Variants in DENND2A observed in about 807,000 individuals in gnomAD.
DENND2A encodes the protein DENN domain-containing protein 2A.
Under a neutral mutation model 105.3 loss-of-function variants are expected in DENND2A, and 53 were observed. The ratio of observed to expected loss-of-function variants is 0.50; its 90% CI spans 0.40 to 0.63. DENND2A has a LOEUF of 0.63. Ranked by LOEUF, DENND2A falls within the 30% of genes least tolerant of loss-of-function variation. The pLI, the probability that DENND2A is intolerant of heterozygous loss-of-function variation, is 0.00. For missense variants in DENND2A, 1,138 were observed against 1,279.6 expected, an observed-to-expected ratio of 0.89 and a Z score of 1.69; for synonymous variants, 522 against 508.4, an observed-to-expected ratio of 1.03 and a Z score of -0.36.
chr7:140,637,882 G>A (rs1015110811), intron 1 of DENND2A, among the ~76,000 whole-genome samples: 1 of 152,092 alleles, frequency 6.6e-6, no homozygotes, highest in Non-Finnish European at 1.5e-5. Context: ...CATTCACAGA[G>A]ATGGGTGTCA....
intron 1 of DENND2A, among the ~76,000 whole-genome samples, chr7:140,625,630 C>A (rs1800493166): frequency 1.3e-5 from 2 of 152,128 alleles, no homozygotes. Context: ...TGCAGTGAGC[C>A]GAGATCATGC....
intron 12 of DENND2A, among the ~76,000 whole-genome samples, chr7:140,552,898 A>G (rs1371674111): frequency 6.6e-6 from 1 of 151,096 alleles, no homozygotes; most frequent in South Asian, 2.1e-4. Context: ...AAGAGATTGT[A>G]CTATGTTTGT....
chr7:140,521,671 A>G (rs568780930), intron 18 of DENND2A, among the ~76,000 whole-genome samples, 184 bp downstream of exon 18: 10 of 152,360 alleles, frequency 6.6e-5, no homozygotes, highest in African/African-American at 2.2e-4. Context: ...GGCAGAGGGA[A>G]CAGAGAAGCC....
intron 5 of DENND2A, among the ~76,000 whole-genome samples, chr7:140,584,788 A>C (rs1171704714): frequency 6.6e-6 from 1 of 152,070 alleles, no homozygotes; most frequent in Non-Finnish European, 1.5e-5. Context: ...TTACACATAC[A>C]TGTGTAAGTT....
intron 3 of DENND2A, among the ~76,000 whole-genome samples, chr7:140,590,086 T>A (rs549401939): frequency 6.6e-6 from 1 of 152,270 alleles, no homozygotes; most frequent in African/African-American, 2.4e-5. Flanking sequence ...ATGACTCGCT[T>A]ATTTAAAGCA....
In DENND2A at chr7:140,573,979, T is replaced by A; in HGVS notation, c.1275A>T (p.Arg425=). The change falls in exon 6 of 20, where the codon CGA becomes CGT. Residue 425 remains arginine (R), a synonymous_variant. Transcript: ENST00000496613. The part of the protein sequence containing the change: ...KQSLSKPAFF[R]QNSERRNFKL... ...TGAAGTTCCTCCTCTCTGAATTTTG[T>A]CGGAAAAAAGCAGGTTTGGACAATG... 6.2e-7 allele frequency: 1 copy of A among 1,613,896 alleles called. No homozygotes were observed. The highest frequency in any genetic ancestry group is 8.5e-7 in the Non-Finnish European group (1 of 1,179,980).
chr7:140,609,825 C>T (rs1799828548), intron 1 of DENND2A: 1 of 152,094 alleles, frequency 6.6e-6, no homozygotes, highest in Non-Finnish European at 1.5e-5. Context: ...CTGGAGGGTT[C>T]AGAAGTTAAG....
rs113635938 is a variant in DENND2A, at chr7:140,542,626, G to T, written c.2327+1992C>A. On this transcript the variant is annotated intron_variant, in intron 14 of 19. Coordinates refer to ENST00000496613, the MANE Select transcript of DENND2A (RefSeq NM_015689.5). The stretch of plus-strand genomic sequence containing the variant: ...GTTGCCCAGGCTGGAGTGCAATGGC[G>T]CAATCTCAGCTCACTGTAACCTCCG... 2.5e-3 allele frequency among the ~76,000 whole-genome samples: 349 copies of T among 142,174 alleles called. 2 individuals are homozygous for T. The highest frequency in any genetic ancestry group is 8.9e-3 in the African/African-American group (337 of 37,812). 93.3% of individuals were successfully genotyped at this position (142,174 alleles called of 152,430 possible).
intron 18 of DENND2A, 53 bp from the exon 19 acceptor site, chr7:140,519,771 A>T (rs1585536386): frequency 6.6e-7 from 1 of 1,505,636 alleles, no homozygotes; most frequent in East Asian, 2.3e-5. Flanking sequence ...TGCACTTCTA[A>T]ATGTGTCCAT....
rs1801163640 is a variant in DENND2A at position 140,640,543 on chromosome 7, C to T, written c.-287G>A. 1 of 150,998 alleles carries T rather than the reference C, an allele frequency of 6.6e-6. No individual in the cohort carries two copies. The highest frequency in any genetic ancestry group is 2.4e-5 in the African/African-American group (1 of 41,170). 9.4% of individuals were successfully genotyped at this position (150,998 alleles called of 1,614,324 possible). ...CGGCTCCGCGGGCTCTGGGGCGCAT[C>T]TTGGGGGCTCCGGGGCGGGCCGGGA... On this transcript the variant is annotated 5_prime_UTR_variant, in exon 1 of 20. Transcript: ENST00000496613. This position sits in a 1 kb window ranked among gnomAD's most constrained non-coding sequence, Gnocchi z 4.9.
chr7:140,525,281 A>C (rs2130461688), intron 16 of DENND2A, among the ~76,000 whole-genome samples: 1 of 151,792 alleles, frequency 6.6e-6, no homozygotes, highest in African/African-American at 2.4e-5. Context: ...AAGCCTCCCA[A>C]GTAGCTGGGA....
intron 1 of DENND2A, among the ~76,000 whole-genome samples, chr7:140,608,453 G>A (rs1055358319): frequency 2.8e-4 from 42 of 152,282 alleles, no homozygotes; most frequent in African/African-American, 9.1e-4. Context: ...GGGGTGGGCT[G>A]ATCACTTGAG....
rs533306616 is a variant in DENND2A at position 140,542,561 on chromosome 7, C to G, written c.2327+2057G>C. ...TGAACTACTTTGCAGTTCTTTTTCT[C>G]TCTCTTTTTTTTTTTTTTTTTTTTT... On this transcript the variant is annotated intron_variant, in intron 14 of 19. Transcript: ENST00000496613. 7.7e-4 allele frequency among the ~76,000 whole-genome samples: 113 copies of G among 145,826 alleles called. 2 individuals are homozygous for G. The East Asian group carries it at 0.019, about 24-fold the overall frequency.
chr7:140,533,083 C>T (rs1006943647), intron 14 of DENND2A, among the ~76,000 whole-genome samples: 1 of 150,632 alleles, frequency 6.6e-6, no homozygotes, highest in African/African-American at 2.4e-5. Flanking sequence ...CCTCTGCCTC[C>T]CAGGTTCAAG....
chr7:140,566,321 C>T lies in DENND2A; in HGVS notation c.1779+765G>A, dbSNP rs191270094. ...TACTGGGATTACAGGTGTGAGTCAC[C>T]GCGCCTGGCCTCCTTTACATTCTTA... On this transcript the variant is annotated intron_variant, in intron 9 of 19. Transcript: ENST00000496613. Among the ~76,000 whole-genome samples the T allele has an allele frequency of 1.6e-3, 247 of 152,228 alleles. 3 individuals carry two copies. The highest frequency in any genetic ancestry group is 0.015 in the Admixed American group (223 of 15,282).
At chr7:140,547,614 A>G (rs968659366) in intron 12 of DENND2A, among the ~76,000 whole-genome samples, 3 of 152,212 alleles carry the variant, frequency 2.0e-5, no homozygotes, top group African/African-American at 7.2e-5. Flanking sequence ...CATATGACCC[A>G]GCACATAGCA....
intron 14 of DENND2A, among the ~76,000 whole-genome samples, chr7:140,538,538 A>T (rs954417578): frequency 6.6e-6 from 1 of 151,902 alleles, no homozygotes; most frequent in Non-Finnish European, 1.5e-5. Flanking sequence ...ATAGAGTCTC[A>T]CTCTGTTGCC....
At chr7:140,638,069 C>T (rs146255273) in intron 1 of DENND2A, among the ~76,000 whole-genome samples, 82 of 152,066 alleles carry the variant, frequency 5.4e-4, no homozygotes, top group Non-Finnish European at 9.7e-4. Context: ...ACACCAGCAA[C>T]GAAGATTTTT....
In DENND2A at chr7:140,569,674, G is replaced by A. The variant is rs931257864; in HGVS notation, c.1511C>T (p.Ser504Phe). The change falls in exon 7 of 20, where the codon TCC becomes TTC. Residue 504 changes from serine to phenylalanine, a missense_variant. Around this residue, in one of 2 missense-constraint regions of DENND2A, gnomAD observed 627 missense variants for 779.8 expected, o/e 0.80. Coordinates refer to ENST00000496613, the MANE Select transcript of DENND2A (RefSeq NM_015689.5). The part of the protein sequence containing the change: ...RRGKKRVKRL[S>F]QSMESNSGKV... Reference sequence around the variant, plus strand: ...TCCTGAGTTGCTCTCCATTGACTGGGACAGCCTCTTCACCCGTTTCTTTCC... The same window carrying A: ...TCCTGAGTTGCTCTCCATTGACTGGAACAGCCTCTTCACCCGTTTCTTTCC... 3.1e-6 allele frequency: 5 copies of A among 1,613,532 alleles called. No homozygotes were observed. The highest frequency in any genetic ancestry group is 4.5e-5 in the East Asian group (2 of 44,882).
Sources: allele counts gnomAD v4.1 joint callset (sites outside exome capture counted in the v4.1 genomes callset), GRCh38; gene constraint gnomAD v4.1.1; regional missense constraint gnomAD v4.1.1; non-coding constraint Gnocchi (gnomAD v3.1); transcripts MANE v1.5; gene names NCBI Gene and HGNC (gene_info 2026-07-23, HGNC 2026-07-21).